ZNF44: variants seen among roughly 807,000 people sequenced by gnomAD.
The protein encoded by ZNF44 is zinc finger protein 44.
Under a neutral mutation model 11.7 loss-of-function variants are expected in ZNF44, and 9 were observed. The observed-to-expected ratio is 0.77, with a 90% CI of 0.46 to 1.35. The LOEUF (loss-of-function observed/expected upper bound fraction) is 1.35, where lower values mean the gene tolerates loss of function less well. Ranked by LOEUF, ZNF44 falls within the 40% of genes most tolerant of loss-of-function variation. The pLI is 0.00. For synonymous variants in ZNF44, 224 were observed against 242.7 expected (o/e 0.92, Z 0.72); for missense variants, 696 against 743.1 (o/e 0.94, Z 0.74).
intron 1 of ZNF44, among the ~76,000 whole-genome samples, chr19:12,235,235 A>G (rs954306109): frequency 7.2e-5 from 11 of 152,108 alleles, no homozygotes; most frequent in South Asian, 2.1e-4. Context: ...CGGGCGTGGT[A>G]GCAGGCGCCT....
chr19:12,291,745 A>G (rs1259550545), intron 1 of ZNF44, among the ~76,000 whole-genome samples: 1 of 151,950 alleles, frequency 6.6e-6, no homozygotes, highest in African/African-American at 2.4e-5. Context: ...TAATCCCAGA[A>G]CTTTCATTGG....
intron 1 of ZNF44, chr19:12,291,193 TGCC>T: frequency 2.3e-6 from 1 of 443,026 alleles, no homozygotes; most frequent in South Asian, 1.6e-5. Flanking sequence ...TGCATTAATC[TGCC>T]AAGTCCAGAT....
rs116867907 is a variant in ZNF44 at position 12,273,299 on chromosome 19, C to A, written c.956G>T (p.Cys319Phe). Residue 319 changes from cysteine to phenylalanine, a missense_variant, in exon 4 of 4, where the codon TGT (cysteine) becomes TTT (phenylalanine). Transcript: ENST00000355684. Reference protein sequence around the residue: ...YTCKQCGKAFCHLGSFQRHMI... With the variant: ...YTCKQCGKAFFHLGSFQRHMI... ...GTGTCTTTGAAAGCTTCCAAGATGA[C>A]AAAACGCTTTCCCACACTGTTTACA... The A allele has an allele frequency of 1.2e-6, 2 of 1,613,980 alleles. No individual in the cohort carries two copies. The highest frequency in any genetic ancestry group is 8.5e-7 in the Non-Finnish European group (1 of 1,179,994).
At position 12,262,791 on chromosome 19, in the gene ZNF44, A is replaced by G. The variant is rs539840435; in HGVS notation, c.1912+9696T>C. On this transcript the variant is annotated intron_variant and NMD_transcript_variant, in intron 5 of 7. Transcript: ENST00000393337. ...TCAACTTTCATTTTCAAAGCCAAAG[A>G]AACGAAAATCCTACACACTCACATG... Among the ~76,000 whole-genome samples, 4 of 152,334 alleles carry G rather than the reference A, an allele frequency of 2.6e-5. No homozygotes were observed. In the South Asian group the frequency reaches 8.3e-4, roughly 32 times the overall value.
At chr19:12,294,256 AC>A (rs1373837222) in intron 1 of ZNF44, among the ~76,000 whole-genome samples, 1 of 151,480 alleles carries the variant, frequency 6.6e-6, no homozygotes, top group East Asian at 1.9e-4. Flanking sequence ...CCACATCCCA[AC>A]CACCCCCGTC....
At chr19:12,231,133 C>CA (rs145759828) in intron 2 of ZNF44, among the ~76,000 whole-genome samples, 9,284 of 152,124 alleles carry the variant, frequency 0.061, 964 homozygotes, top group African/African-American at 0.21. Flanking sequence ...AGCCTCTAGT[C>CA]AAAGGCTTTT....
At chr19:12,265,498 C>T (rs1428154251) in intron 5 of ZNF44, among the ~76,000 whole-genome samples, 1 of 152,098 alleles carries the variant, frequency 6.6e-6, no homozygotes, top group Non-Finnish European at 1.5e-5. Context: ...AGTGATTGAA[C>T]ACACCTTACA....
downstream of ZNF44, chr19:12,225,319 C>CATA (rs1313595926): frequency 1.4e-4 from 22 of 152,394 alleles, no homozygotes; most frequent in East Asian, 4.2e-3. Context: ...ACATTAGTCC[C>CATA]ATAATTAGGT....
downstream of ZNF44, among the ~76,000 whole-genome samples, chr19:12,246,076 C>G (rs17001892): frequency 6.6e-6 from 1 of 152,190 alleles, no homozygotes; most frequent in Admixed American, 6.5e-5. Context: ...TCTGTCTCCA[C>G]GCAGATGGGT....
At chr19:12,276,369 G>A (rs1967219507) in intron 1 of ZNF44, among the ~76,000 whole-genome samples, 1 of 152,180 alleles carries the variant, frequency 6.6e-6, no homozygotes, top group African/African-American at 2.4e-5. Flanking sequence ...TCTACAGTGG[G>A]TCTGTAGTCC....
Position 12,273,065 on chromosome 19 carries a change from A to G in ZNF44, c.1190T>C (p.Val397Ala), listed in dbSNP as rs1967029808. 1 of 1,612,984 alleles carries G rather than the reference A, an allele frequency of 6.2e-7. No homozygotes were observed. Among genetic ancestry groups the G allele is most frequent in the Non-Finnish European group, 8.5e-7 (1 of 1,179,700 alleles). Residue 397 changes from valine (V) to alanine (A), a missense_variant, in exon 4 of 4, where the codon GTA becomes GCA. Coordinates refer to ENST00000355684, the MANE Select transcript of ZNF44 (RefSeq NM_016264.4). ...AGGAGAATCAAAGGCTTTCCCACAT[A>G]CTGTGCATTTATGAGGGCCATCTCC... Reference protein sequence around the residue: ...HTGDGPHKCTVCGKAFDSPSV... With the variant: ...HTGDGPHKCTACGKAFDSPSV...
At chr19:12,240,233 C>G (rs190206464), upstream of ZNF44, among the ~76,000 whole-genome samples, 21 of 151,498 alleles carry the variant, frequency 1.4e-4, no homozygotes, top group Middle Eastern at 3.4e-3. Context: ...CACTTGAGGT[C>G]AAGAGTTCAA....
At chr19:12,225,200 T>A (rs1188753054), downstream of ZNF44, 1 of 152,380 alleles carries the variant, frequency 6.6e-6, no homozygotes, top group Non-Finnish European at 1.5e-5. Flanking sequence ...GGTATCGGGT[T>A]GGTAGGAGCA....
rs145527461 is a variant in ZNF44, at chr19:12,279,267, T to C, written c.4-3185A>G. Among the ~76,000 whole-genome samples the C allele has an allele frequency of 5.1e-4, 77 of 152,206 alleles. 2 individuals carry two copies. The East Asian group carries it at 0.012, about 24-fold the overall frequency. On this transcript the variant is annotated intron_variant, in intron 1 of 3. Coordinates refer to ENST00000355684, the MANE Select transcript of ZNF44 (RefSeq NM_016264.4). ...CAGGTGCAGTGGCTGAAGCCTGTAA[T>C]ACCAGAACTTTGGGAGGCTGAGGGA...
chr19:12,289,404 C>A (rs1967907050), intron 1 of ZNF44, among the ~76,000 whole-genome samples: 1 of 152,126 alleles, frequency 6.6e-6, no homozygotes, highest in African/African-American at 2.4e-5. Flanking sequence ...TCAGCCTAAG[C>A]CAAAACACAA....
At chr19:12,233,570 A>AAAAAC (rs1568419648) in intron 2 of ZNF44, among the ~76,000 whole-genome samples, 2 of 148,594 alleles carry the variant, frequency 1.3e-5, no homozygotes, top group African/African-American at 5.2e-5. Flanking sequence ...AAAAAAAAAA[A>AAAAAC]AACCTGACAA....
At position 12,279,490 on chromosome 19, in the gene ZNF44, C is replaced by T. The variant is rs1017212088; in HGVS notation, c.4-3408G>A. ...TGTCTCCTTTTCAATACCCCCACCC[C>T]CAAAAAAACCCCAGAGAAATAAATA... On this transcript the variant is annotated intron_variant, in intron 1 of 3. Coordinates refer to ENST00000355684, the MANE Select transcript of ZNF44 (RefSeq NM_016264.4). 9.2e-5 allele frequency among the ~76,000 whole-genome samples: 14 copies of T among 151,982 alleles called. 1 individual carries two copies. The highest frequency in any genetic ancestry group is 2.9e-4 in the African/African-American group (12 of 41,494).
At position 12,255,567 on chromosome 19, in the gene ZNF44, C is replaced by T. The variant is rs1568431351; in HGVS notation, c.1913-5199G>A. Among the ~76,000 whole-genome samples the T allele has an allele frequency of 2.0e-5, 3 of 152,174 alleles. No homozygotes were observed. In the South Asian group the frequency reaches 6.2e-4, roughly 32 times the overall value. On this transcript the variant is annotated intron_variant and NMD_transcript_variant, in intron 5 of 7. Coordinates refer to the ZNF44 transcript ENST00000393337. ...CAAGAAACTTACAGCTAACATCATACTTAATAGTGAAAAACAAGATGCTTT... is the reference window on the plus strand; with the variant it reads ...CAAGAAACTTACAGCTAACATCATATTTAATAGTGAAAAACAAGATGCTTT...
intron 1 of ZNF44, 81 bp downstream of exon 1, chr19:12,294,611 C>A (rs1968168530): frequency 9.2e-6 from 14 of 1,525,786 alleles, no homozygotes; most frequent in Non-Finnish European, 1.2e-5. Context: ...GCGGCGAGGC[C>A]CGGGTCCCGC....
Sources: allele counts gnomAD v4.1 joint callset (sites outside exome capture counted in the v4.1 genomes callset), GRCh38; gene constraint gnomAD v4.1.1; transcripts MANE v1.5; gene names NCBI Gene and HGNC (gene_info 2026-07-23, HGNC 2026-07-21).